Variants in RBMS3 observed in about 807,000 individuals in gnomAD.
RBMS3 encodes the protein RNA binding motif single stranded interacting protein 3.
Under a neutral mutation model 66.8 loss-of-function variants are expected in RBMS3, and 27 were observed. The observed-to-expected ratio is 0.40, with a 90% CI of 0.30 to 0.56. The LOEUF (loss-of-function observed/expected upper bound fraction) is 0.56. Ranked by LOEUF, RBMS3 falls within the 20% of genes least tolerant of loss-of-function variation. The pLI is 0.40. For synonymous variants in RBMS3, 188 were observed against 183.0 expected, an observed-to-expected ratio of 1.03 and a Z score of -0.22; for missense variants, 513 against 549.5, an observed-to-expected ratio of 0.93 and a Z score of 0.66.
chr3:29,899,497 T>A (rs923143815), intron 9 of RBMS3, among the ~76,000 whole-genome samples: 1 of 151,744 alleles, frequency 6.6e-6, no homozygotes, highest in Non-Finnish European at 1.5e-5. Context: ...GCTCCACTGA[T>A]AGGGGAAGTT....
intron 3 of RBMS3, among the ~76,000 whole-genome samples, chr3:29,539,581 C>T (rs2045687118): frequency 6.6e-6 from 1 of 152,194 alleles, no homozygotes. Context: ...GAAGAATCAA[C>T]AGAATCTGGT....
At chr3:29,431,889 C>T (rs2041221668) in intron 1 of RBMS3, among the ~76,000 whole-genome samples, 2 of 151,942 alleles carry the variant, frequency 1.3e-5, no homozygotes, top group South Asian at 4.2e-4. Context: ...CCACACCCAG[C>T]TAATTTTTGT....
rs550404989 is a variant in RBMS3 at position 30,004,208 on chromosome 3, CTTT to C, written c.*359_*361del. The C allele has an allele frequency of 1.5e-4, 22 of 147,200 alleles. No homozygotes were observed. The highest frequency in any genetic ancestry group is 5.4e-3 in the Middle Eastern group (2 of 370). 9.1% of individuals were successfully genotyped at this position (147,200 alleles called of 1,614,324 possible). A position where few individuals can be genotyped will look rare whatever the true frequency, so the allele number is the denominator to read the frequency against. On this transcript the variant is annotated 3_prime_UTR_variant, in exon 15 of 15. Coordinates refer to ENST00000383767, the MANE Select transcript of RBMS3 (RefSeq NM_001003793.3). Reference sequence around the variant, plus strand: ...CAGAATTTTTCTGAAGGTGTAGATACTTTTTTTTTTTTTTTAACAGAAAACCTG... The same window carrying C: ...CAGAATTTTTCTGAAGGTGTAGATACTTTTTTTTTTTTAACAGAAAACCTG...
At chr3:29,589,216 C>G (rs1383167290) in intron 4 of RBMS3, among the ~76,000 whole-genome samples, 1 of 152,080 alleles carries the variant, frequency 6.6e-6, no homozygotes, top group East Asian at 1.9e-4. Context: ...CTCTTTCTCT[C>G]TCTCTCTTAC....
At chr3:29,816,127 T>C (rs2149466511) in intron 6 of RBMS3, among the ~76,000 whole-genome samples, 1 of 152,238 alleles carries the variant, frequency 6.6e-6, no homozygotes, top group East Asian at 1.9e-4. Flanking sequence ...CATGCTGAAA[T>C]TCAGACCTTT....
intron 2 of RBMS3, among the ~76,000 whole-genome samples, chr3:29,474,863 A>G (rs1370482923): frequency 2.0e-5 from 3 of 152,224 alleles, no homozygotes; most frequent in Non-Finnish European, 2.9e-5. Flanking sequence ...ATAGCAGGGA[A>G]CATTTTAGAT....
intron 2 of RBMS3, among the ~76,000 whole-genome samples, chr3:29,449,817 C>T (rs2041957665): frequency 6.6e-6 from 1 of 152,172 alleles, no homozygotes; most frequent in Admixed American, 6.5e-5. Context: ...ATTTGGCCCA[C>T]ACAGTTGTAT....
At chr3:29,539,670 C>A (rs1005380115) in intron 3 of RBMS3, among the ~76,000 whole-genome samples, 1 of 152,124 alleles carries the variant, frequency 6.6e-6, no homozygotes, top group African/African-American at 2.4e-5. Context: ...CTCCTTTTGA[C>A]TTTTAATTGC....
At chr3:29,524,585 G>A (rs1006578483) in intron 3 of RBMS3, among the ~76,000 whole-genome samples, 2 of 151,484 alleles carry the variant, frequency 1.3e-5, no homozygotes, top group Non-Finnish European at 2.9e-5. Context: ...GAACCACTGC[G>A]CCCAGCCAAC....
In RBMS3 at chr3:29,903,371, A is replaced by G. The variant is rs1479491221; in HGVS notation, c.939+3616A>G. ...TAAATTAGGAATTCCCTTTTTTCTG[A>G]GAAGTAAAAATGCTGACTTTGTCAA... On this transcript the variant is annotated intron_variant, in intron 10 of 14. Transcript: ENST00000383767. 2.0e-5 allele frequency: 3 copies of G among 151,888 alleles called. No homozygotes were observed. The East Asian group carries it at 5.8e-4, about 29-fold the overall frequency. 9.4% of individuals were successfully genotyped at this position (151,888 alleles called of 1,614,324 possible).
At chr3:29,949,738 T>G (rs1559830006) in intron 12 of RBMS3, among the ~76,000 whole-genome samples, 1 of 151,436 alleles carries the variant, frequency 6.6e-6, no homozygotes, top group African/African-American at 2.4e-5. Context: ...TTAAGAATAT[T>G]TTTATTTTTT....
chr3:29,957,257 A>G (rs1297154554), intron 12 of RBMS3, among the ~76,000 whole-genome samples: 3 of 152,154 alleles, frequency 2.0e-5, no homozygotes, highest in Non-Finnish European at 2.9e-5. Flanking sequence ...CTCTTAGAGC[A>G]GAGACTATTC....
chr3:29,699,850 A>T (rs7630967), intron 4 of RBMS3, among the ~76,000 whole-genome samples: 18,398 of 152,150 alleles, frequency 0.12, 2,433 homozygotes, highest in African/African-American at 0.33. Flanking sequence ...AACCTCCTTC[A>T]GATTATGATT....
chr3:29,840,391 T>C (rs969830252), intron 6 of RBMS3, among the ~76,000 whole-genome samples: 6 of 152,016 alleles, frequency 3.9e-5, no homozygotes, highest in Non-Finnish European at 8.8e-5. Flanking sequence ...AATGAAAGTA[T>C]TTGTGAGAAG....
In RBMS3 at chr3:29,574,365, A is replaced by G. The variant is rs139835338; in HGVS notation, c.308-12749A>G. Among the ~76,000 whole-genome samples, 663 of 152,136 alleles carry G rather than the reference A, an allele frequency of 4.4e-3. 7 individuals are homozygous for G. Among genetic ancestry groups the G allele is most frequent in the Middle Eastern group, 0.02 (6 of 294 alleles). On this transcript the variant is annotated intron_variant, in intron 3 of 14. Transcript: ENST00000383767. The stretch of plus-strand genomic sequence containing the variant: ...TGTCTTGAAATCCATTTTTTCTTAT[A>G]TAAGTGTAGATACACCTGCTGTTTT...
At position 29,367,696 on chromosome 3, in the gene RBMS3, A is replaced by G. The variant is rs919683014; in HGVS notation, c.76-67047A>G. 3.9e-5 allele frequency among the ~76,000 whole-genome samples: 6 copies of G among 152,170 alleles called. No homozygotes were observed. In the East Asian group the frequency reaches 1.2e-3, roughly 29 times the overall value. ...TTCTGTAGTTTCTATTTTTTCCTAT[A>G]AAGAACATGTATCACTCTTAGAAGA... On this transcript the variant is annotated intron_variant, in intron 1 of 14. Coordinates refer to ENST00000383767, the MANE Select transcript of RBMS3 (RefSeq NM_001003793.3).
At chr3:29,350,963 C>G (rs2036874377) in intron 1 of RBMS3, among the ~76,000 whole-genome samples, 1 of 151,562 alleles carries the variant, frequency 6.6e-6, no homozygotes, top group African/African-American at 2.4e-5. Context: ...CCAAATCTAC[C>G]ATTAACAATT....
chr3:29,626,971 A>G (rs1042952409), intron 4 of RBMS3, among the ~76,000 whole-genome samples: 2 of 152,186 alleles, frequency 1.3e-5, no homozygotes, highest in Non-Finnish European at 2.9e-5. Flanking sequence ...CTATCATATT[A>G]TATAGAATAA....
intron 5 of RBMS3, among the ~76,000 whole-genome samples, chr3:29,740,994 T>G (rs1024189962): frequency 3.4e-5 from 5 of 147,482 alleles, no homozygotes; most frequent in African/African-American, 1.3e-4. Flanking sequence ...CAAGCCGAGA[T>G]CGCGCCACTA....
Sources: allele counts gnomAD v4.1 joint callset (sites outside exome capture counted in the v4.1 genomes callset), GRCh38; gene constraint gnomAD v4.1.1; transcripts MANE v1.5; gene names NCBI Gene and HGNC (gene_info 2026-07-23, HGNC 2026-07-21).